NRXN3: variants seen among roughly 807,000 people sequenced by gnomAD.
The protein encoded by NRXN3 is neurexin III.
In NRXN3, 32 loss-of-function variants were observed where a neutral mutation model predicts 137.6. That is an observed-to-expected ratio of 0.23 (90% CI 0.18 to 0.31). The LOEUF is 0.31. Among genes scored for constraint, NRXN3 ranks in the 10% least tolerant of loss-of-function variants. The pLI is 1.00. For missense variants in NRXN3, 1,574 were observed against 2,062.5 expected (o/e 0.76, Z 4.59); for synonymous variants, 798 against 784.5 (o/e 1.02, Z -0.29).
At chr14:78,961,231 A>G (rs1567828488) in intron 11 of NRXN3, among the ~76,000 whole-genome samples, 4 of 152,202 alleles carry the variant, frequency 2.6e-5, no homozygotes, top group East Asian at 3.9e-4. Context: ...TGAAAGGTCA[A>G]TTTGCTTCCT....
chr14:79,246,193 T>C (rs1454607439), intron 15 of NRXN3, among the ~76,000 whole-genome samples: 1 of 152,182 alleles, frequency 6.6e-6, no homozygotes, highest in Non-Finnish European at 1.5e-5. Flanking sequence ...AATAACCAAC[T>C]TTGCAAAGGG....
rs532080747 is a variant in NRXN3 at position 79,753,097 on chromosome 14, T to C, written c.4015-52015T>C. Among the ~76,000 whole-genome samples, 75 of 151,480 alleles carry C rather than the reference T, an allele frequency of 5.0e-4. 2 individuals carry two copies. The East Asian group carries it at 0.014, about 28-fold the overall frequency. Reference sequence around the variant, plus strand: ...AGGTGCTGGAGAGGATGTGGAGAAATAGGAACACTTTTACACTGTTGGTGG... The same window carrying C: ...AGGTGCTGGAGAGGATGTGGAGAAACAGGAACACTTTTACACTGTTGGTGG... On this transcript the variant is annotated intron_variant, in intron 19 of 20. Coordinates refer to ENST00000335750, the MANE Select transcript of NRXN3 (RefSeq NM_001330195.2).
intron 19 of NRXN3, among the ~76,000 whole-genome samples, chr14:79,775,171 T>G (rs2099092844): frequency 1.3e-5 from 2 of 152,162 alleles, no homozygotes; most frequent in Admixed American, 1.3e-4. Context: ...CACAACCAGC[T>G]ACATTTAGCT....
chr14:79,546,801 A>G (rs568879741), intron 16 of NRXN3, among the ~76,000 whole-genome samples: 4 of 152,148 alleles, frequency 2.6e-5, no homozygotes, highest in Non-Finnish European at 4.4e-5. Flanking sequence ...CCCCAGCTGA[A>G]GCCTGACAGG....
intron 15 of NRXN3, among the ~76,000 whole-genome samples, chr14:79,395,652 C>G (rs2094996909): frequency 6.6e-6 from 1 of 151,648 alleles, no homozygotes; most frequent in Non-Finnish European, 1.5e-5. Flanking sequence ...ACTAAAAATA[C>G]AAAAAAATTA....
intron 14 of NRXN3, among the ~76,000 whole-genome samples, chr14:78,971,125 G>A (rs2099437795): frequency 6.6e-6 from 1 of 152,234 alleles, no homozygotes; most frequent in East Asian, 1.9e-4. Flanking sequence ...GATCCCAGGA[G>A]CATTTTAGGG....
chr14:78,937,611 G>T (rs1007539848), intron 10 of NRXN3, among the ~76,000 whole-genome samples: 1 of 152,116 alleles, frequency 6.6e-6, no homozygotes, highest in Non-Finnish European at 1.5e-5. Flanking sequence ...TTTTTAAAAA[G>T]AAATGCAGGA....
chr14:79,126,236 A>G (rs1226726181), intron 15 of NRXN3, among the ~76,000 whole-genome samples: 2 of 151,978 alleles, frequency 1.3e-5, no homozygotes, highest in South Asian at 4.1e-4. Flanking sequence ...CAGGTTAGTT[A>G]CCTATGTATA....
chr14:78,726,470 TTTA>T (rs2098483960), intron 8 of NRXN3, among the ~76,000 whole-genome samples: 1 of 8,302 alleles, frequency 1.2e-4, no homozygotes, highest in South Asian at 5.4e-3. Context: ...AACACTCTTT[TTTA>T]ATTGTGATAA....
chr14:79,605,387 T>C (rs1318635813), intron 16 of NRXN3, among the ~76,000 whole-genome samples: 1 of 152,148 alleles, frequency 6.6e-6, no homozygotes, highest in Non-Finnish European at 1.5e-5. Context: ...TACTACTAAG[T>C]GATCTGGGAG....
At chr14:78,958,602 G>A (rs1242381777) in intron 11 of NRXN3, among the ~76,000 whole-genome samples, 5 of 152,156 alleles carry the variant, frequency 3.3e-5, no homozygotes, top group Non-Finnish European at 7.4e-5. Context: ...TGATCCACCC[G>A]CCTCGGCCTC....
chr14:79,115,337 A>AG (rs951948402), intron 15 of NRXN3, among the ~76,000 whole-genome samples: 8 of 151,504 alleles, frequency 5.3e-5, no homozygotes, highest in African/African-American at 1.7e-4. Flanking sequence ...AAAAAAAAAA[A>AG]AAAAGAAAAA....
intron 15 of NRXN3, among the ~76,000 whole-genome samples, chr14:79,328,541 C>T (rs1239862191): frequency 1.3e-5 from 2 of 152,174 alleles, no homozygotes; most frequent in Non-Finnish European, 2.9e-5. Flanking sequence ...GTACTTAAAA[C>T]ATAAAGCTCT....
At position 79,513,289 on chromosome 14, in the gene NRXN3, T is replaced by C. The variant is rs1457776488; in HGVS notation, c.3444+45887T>C. ...AGTAGGTGTTCAGACATTTTATTTGTTGGTTTTATGTATCCAGGTAGAGAA... is the reference window on the plus strand; with the variant it reads ...AGTAGGTGTTCAGACATTTTATTTGCTGGTTTTATGTATCCAGGTAGAGAA... On this transcript the variant is annotated intron_variant, in intron 16 of 20. Coordinates refer to ENST00000335750, the MANE Select transcript of NRXN3 (RefSeq NM_001330195.2). Among the ~76,000 whole-genome samples the C allele has an allele frequency of 2.2e-5, 3 of 139,262 alleles. No individual in the cohort carries two copies. In the East Asian group the frequency reaches 6.3e-4, roughly 29 times the overall value. 91.4% of individuals were successfully genotyped at this position (139,262 alleles called of 152,430 possible). A position where few individuals can be genotyped will look rare whatever the true frequency, so the allele number is the denominator to read the frequency against.
At chr14:78,693,772 A>G (rs1184368639) in intron 6 of NRXN3, among the ~76,000 whole-genome samples, 2 of 150,284 alleles carry the variant, frequency 1.3e-5, no homozygotes, top group Non-Finnish European at 3.0e-5. Context: ...TTTATATAAT[A>G]CCAACCTGAC....
Position 78,469,645 on chromosome 14 carries a change from A to G in NRXN3, c.757+171785A>G, listed in dbSNP as rs549875782. 2.8e-4 allele frequency among the ~76,000 whole-genome samples: 42 copies of G among 152,282 alleles called. No homozygotes were observed. In the East Asian group the frequency reaches 6.2e-3, roughly 22 times the overall value. On this transcript the variant is annotated intron_variant, in intron 4 of 20. Transcript: ENST00000335750. ...ATCAACACCTGGTGTTTGAAGCACA[A>G]GGGCTTGTTAGTGCTAATCCTGCAT...
chr14:78,817,232 T>A (rs7154093), intron 10 of NRXN3, among the ~76,000 whole-genome samples: 1,760 of 152,320 alleles, frequency 0.012, 16 homozygotes, highest in Middle Eastern at 0.024. Context: ...TTTGACAAGT[T>A]GCTTCAACTC....
At chr14:79,179,857 A>G (rs1173564946) in intron 15 of NRXN3, among the ~76,000 whole-genome samples, 1 of 152,182 alleles carries the variant, frequency 6.6e-6, no homozygotes, top group East Asian at 1.9e-4. Context: ...TGCACGGATA[A>G]TTCCCCTCAG....
At chr14:79,832,549 A>G (rs1352809580) in intron 20 of NRXN3, among the ~76,000 whole-genome samples, 1 of 152,206 alleles carries the variant, frequency 6.6e-6, no homozygotes, top group Non-Finnish European at 1.5e-5. Context: ...TGATTGCCAC[A>G]ACTGGGAAGA....
Sources: allele counts gnomAD v4.1 joint callset (sites outside exome capture counted in the v4.1 genomes callset), GRCh38; gene constraint gnomAD v4.1.1; transcripts MANE v1.5; gene names NCBI Gene and HGNC (gene_info 2026-07-23, HGNC 2026-07-21).